The following CHID1 variants were observed in gnomAD, a reference collection of about 807,000 sequenced individuals.
CHID1 encodes chitinase domain-containing protein 1.
In CHID1, 44 loss-of-function variants were observed where a neutral mutation model predicts 55.4. That is an observed-to-expected ratio of 0.79 (90% CI 0.62 to 1.02). CHID1 has a LOEUF of 1.02. Ranked by LOEUF, CHID1 falls within the 50% of genes least tolerant of loss-of-function variation. The pLI is 0.00. For synonymous variants in CHID1, 216 were observed against 212.9 expected (o/e 1.01, Z -0.13); for missense variants, 491 against 515.3 (o/e 0.95, Z 0.46).
At chr11:884,257 G>C in intron 8 of CHID1, 88 bp from the exon 9 acceptor site, 1 of 954,670 alleles carries the variant, frequency 1.0e-6, no homozygotes, top group Non-Finnish European at 1.6e-6. Flanking sequence ...TGCCTGTAGG[G>C]GACTTGGGTC....
upstream of CHID1, chr11:914,919 G>C (rs547332557): frequency 3.8e-6 from 1 of 261,024 alleles, no homozygotes; most frequent in African/African-American, 2.3e-5. Flanking sequence ...ACTCTGTCCT[G>C]TTCTAACTAG....
In CHID1 at chr11:904,317, ATCC is replaced by A. The variant is rs1852046582; in HGVS notation, c.111+386_111+388del. 1.3e-5 allele frequency among the ~76,000 whole-genome samples: 2 copies of A among 152,222 alleles called. 1 individual carries two copies. The highest frequency in any genetic ancestry group is 4.1e-4 in the South Asian group (2 of 4,836). Reference sequence around the variant, plus strand: ...CCTTGAAGGTGCAATCCCCAGGGCCATCCCAGGGGAACGTCCCAAAAAGCATGA... The same window carrying A: ...CCTTGAAGGTGCAATCCCCAGGGCCACAGGGGAACGTCCCAAAAAGCATGA... On this transcript the variant is annotated intron_variant, in intron 2 of 12. Transcript: ENST00000323578.
Position 875,625 on chromosome 11 carries a change from T to C in CHID1, c.960-5126A>G, listed in dbSNP as rs1048612927. ...GGTTGCTGAAACTCTTAGCGCCACA[T>C]GAGGCCGAGGGAGTCAAGTCCTGGG... On this transcript the variant is annotated intron_variant, in intron 10 of 12. Coordinates refer to ENST00000323578, the MANE Select transcript of CHID1 (RefSeq NM_023947.4). This position sits in a 1 kb window ranked among gnomAD's most constrained non-coding sequence, Gnocchi z 4.7. 6.6e-6 allele frequency among the ~76,000 whole-genome samples: 1 copy of C among 152,090 alleles called. No individual in the cohort carries two copies. The highest frequency in any genetic ancestry group is 6.5e-5 in the Admixed American group (1 of 15,272).
intron 1 of CHID1, among the ~76,000 whole-genome samples, chr11:907,763 G>T (rs1852348792): frequency 6.6e-6 from 1 of 152,128 alleles, no homozygotes; most frequent in South Asian, 2.1e-4. Flanking sequence ...CTTCCCCTTG[G>T]GTCACAGGCT....
chr11:892,850 C>A (rs528052451), intron 8 of CHID1, among the ~76,000 whole-genome samples: 2 of 152,228 alleles, frequency 1.3e-5, no homozygotes, highest in Non-Finnish European at 2.9e-5. Flanking sequence ...GGGGTGCTAC[C>A]CTGAGGGCAT....
intron 10 of CHID1, among the ~76,000 whole-genome samples, chr11:881,215 A>C (rs1419946048): frequency 3.9e-5 from 6 of 152,164 alleles, no homozygotes; most frequent in Non-Finnish European, 8.8e-5. Flanking sequence ...AGGCTGAGGC[A>C]GGAGGATCGC....
At chr11:904,944 C>T in intron 1 of CHID1, 85 bp from the exon 2 acceptor site, 2 of 1,425,576 alleles carry the variant, frequency 1.4e-6, no homozygotes, top group East Asian at 2.4e-5. Flanking sequence ...GCCACTTTCT[C>T]CTAATAGGGC....
upstream of CHID1, among the ~76,000 whole-genome samples, chr11:912,872 A>C (rs1056432658): frequency 2.7e-5 from 4 of 150,348 alleles, no homozygotes; most frequent in Non-Finnish European, 5.9e-5. Context: ...AAGAAAACTG[A>C]CTTCTTTAGG....
At chr11:873,970 G>A (rs377354175) in intron 10 of CHID1, among the ~76,000 whole-genome samples, 6 of 151,716 alleles carry the variant, frequency 4.0e-5, no homozygotes, top group East Asian at 3.9e-4. Flanking sequence ...GAGGTTCGAC[G>A]CGTTTCTAGG....
At chr11:900,159 A>G in intron 5 of CHID1, 49 bp from the exon 6 acceptor site, 1 of 1,468,184 alleles carries the variant, frequency 6.8e-7, no homozygotes. Context: ...GAGATGCTGG[A>G]GGGCCCCTGC....
At chr11:886,423 C>G (rs1468270396) in intron 8 of CHID1, among the ~76,000 whole-genome samples, 1 of 152,182 alleles carries the variant, frequency 6.6e-6, no homozygotes, top group Admixed American at 6.5e-5. Context: ...CATGCCACTG[C>G]ACTCCAGCCT....
rs773875835 is a variant in CHID1, at chr11:904,730, G to T, written c.87C>A (p.Ala29=). 1.9e-6 allele frequency: 3 copies of T among 1,614,162 alleles called. No homozygotes were observed. Among genetic ancestry groups the T allele is most frequent in the Non-Finnish European group, 2.5e-6 (3 of 1,180,020 alleles). The part of the protein sequence containing the change: ...TTLSKSDAKK[A]ASKTLLEKSQ... ...CCTTCTCCAGCAGCGTCTTTGAGGC[G>T]GCTTTTTTGGCATCTGACTTTGACA... The change falls in exon 2 of 13, where the codon GCC becomes GCA. Residue 29 remains alanine, a synonymous_variant. Coordinates refer to ENST00000323578, the MANE Select transcript of CHID1 (RefSeq NM_023947.4).
intron 8 of CHID1, among the ~76,000 whole-genome samples, chr11:884,558 C>A (rs1447109803): frequency 6.6e-6 from 1 of 152,180 alleles, no homozygotes; most frequent in Non-Finnish European, 1.5e-5. Context: ...GGAGCGTCCC[C>A]TCCCGGGGTC....
intron 8 of CHID1, among the ~76,000 whole-genome samples, chr11:889,413 G>A (rs369407905): frequency 3.9e-5 from 6 of 152,078 alleles, no homozygotes; most frequent in Admixed American, 6.5e-5. Flanking sequence ...AAGGAACGTC[G>A]GCTCCACGTC....
chr11:893,897 C>T (rs966936285), intron 7 of CHID1, among the ~76,000 whole-genome samples: 1 of 151,654 alleles, frequency 6.6e-6, no homozygotes, highest in Non-Finnish European at 1.5e-5. Context: ...CTTGGGAGGC[C>T]GAGGTGGGCA....
intron 8 of CHID1, among the ~76,000 whole-genome samples, chr11:885,064 G>A (rs28653756): frequency 0.99 from 150,723 of 152,312 alleles, 74,597 homozygotes; most frequent in Middle Eastern, 1. Flanking sequence ...GCAGCAGGAC[G>A]TAGGACAACA....
At chr11:888,740 T>G (rs28722054) in intron 8 of CHID1, among the ~76,000 whole-genome samples, 150,904 of 152,298 alleles carry the variant, frequency 0.99, 74,778 homozygotes, top group Middle Eastern at 1. Flanking sequence ...GGCATGCAAG[T>G]TGAGTGCCCA....
intron 6 of CHID1, 95 bp from the exon 7 acceptor site, chr11:899,496 T>C (rs1374834862): frequency 3.6e-5 from 44 of 1,206,104 alleles, no homozygotes; most frequent in Non-Finnish European, 5.0e-5. Context: ...CATGGTCAGG[T>C]TGTGGCCTGG....
intron 10 of CHID1, among the ~76,000 whole-genome samples, chr11:880,432 C>T (rs990626876): frequency 3.3e-5 from 5 of 152,152 alleles, no homozygotes; most frequent in Non-Finnish European, 7.4e-5. Context: ...CAGGACCAGC[C>T]GTGTGGACAG....
Sources: allele counts gnomAD v4.1 joint callset (sites outside exome capture counted in the v4.1 genomes callset), GRCh38; gene constraint gnomAD v4.1.1; non-coding constraint Gnocchi (gnomAD v3.1); transcripts MANE v1.5; gene names NCBI Gene and HGNC (gene_info 2026-07-23, HGNC 2026-07-21).